Variants in EDIL3 observed in about 807,000 individuals in gnomAD.
EDIL3 encodes the protein EGF-like repeat and discoidin I-like domain-containing protein 3.
Under a neutral mutation model 67.4 loss-of-function variants are expected in EDIL3, and 37 were observed. The ratio of observed to expected loss-of-function variants is 0.55; its 90% CI spans 0.42 to 0.72. The LOEUF (loss-of-function observed/expected upper bound fraction) is 0.72. EDIL3 is among the 30% of genes least tolerant of loss of function. EDIL3 has a pLI of 0.00. For synonymous variants in EDIL3, 195 were observed against 196.3 expected (o/e 0.99, Z 0.05); for missense variants, 527 against 586.3 (o/e 0.90, Z 1.04).
intron 3 of EDIL3, among the ~76,000 whole-genome samples, chr5:84,195,797 A>G (rs1195407742): frequency 6.6e-6 from 1 of 151,982 alleles, no homozygotes; most frequent in African/African-American, 2.4e-5. Flanking sequence ...ACTTGATGTA[A>G]TATTTTTCTA....
chr5:84,361,494 T>C (rs1241945112), intron 1 of EDIL3, among the ~76,000 whole-genome samples: 1 of 152,104 alleles, frequency 6.6e-6, no homozygotes, highest in Non-Finnish European at 1.5e-5. Context: ...TCATAGGTAC[T>C]CTAATTTTTT....
chr5:84,011,861 T>C (rs1245493806), intron 9 of EDIL3, among the ~76,000 whole-genome samples: 1 of 152,174 alleles, frequency 6.6e-6, no homozygotes, highest in Non-Finnish European at 1.5e-5. Context: ...AGCAATCCCA[T>C]TTACATACTC....
chr5:83,956,874 A>C (rs1382810417), intron 10 of EDIL3, among the ~76,000 whole-genome samples: 1 of 151,764 alleles, frequency 6.6e-6, no homozygotes, highest in Non-Finnish European at 1.5e-5. Context: ...ACACAAGTTA[A>C]AAATATGCAA....
At chr5:84,106,544 C>T (rs1479162421) in intron 6 of EDIL3, 105 bp downstream of exon 6, 10 of 1,353,196 alleles carry the variant, frequency 7.4e-6, no homozygotes, top group African/African-American at 1.5e-5. Context: ...TTCCTCTGAC[C>T]ATAAGGAAGA....
chr5:84,132,225 G>A (rs1273021106), intron 5 of EDIL3, among the ~76,000 whole-genome samples: 1 of 140,326 alleles, frequency 7.1e-6, no homozygotes, highest in African/African-American at 2.7e-5. Context: ...GAGACGGAGA[G>A]AGACTCCGTC....
chr5:84,235,381 T>C (rs1744659094), intron 2 of EDIL3, among the ~76,000 whole-genome samples: 1 of 152,302 alleles, frequency 6.6e-6, no homozygotes, highest in Admixed American at 6.5e-5. Flanking sequence ...TCAAAATGTT[T>C]CCATTCTATC....
chr5:84,325,142 GA>G (rs1034534988), intron 1 of EDIL3, among the ~76,000 whole-genome samples: 1 of 151,788 alleles, frequency 6.6e-6, no homozygotes, highest in African/African-American at 2.4e-5. Context: ...TGAACTACAT[GA>G]TTTTTTTTAA....
intron 3 of EDIL3, among the ~76,000 whole-genome samples, chr5:84,198,854 C>G (rs1743773958): frequency 6.6e-6 from 1 of 152,054 alleles, no homozygotes; most frequent in Admixed American, 6.6e-5. Context: ...CAAAACTTTT[C>G]TGGTTTTATT....
chr5:84,310,710 A>T (rs1329320271), intron 1 of EDIL3, among the ~76,000 whole-genome samples: 1 of 152,182 alleles, frequency 6.6e-6, no homozygotes, highest in African/African-American at 2.4e-5. Flanking sequence ...TTTAAAATAG[A>T]TATACACACC....
At chr5:84,208,446 G>A (rs533293944) in intron 3 of EDIL3, among the ~76,000 whole-genome samples, 32 of 151,818 alleles carry the variant, frequency 2.1e-4, no homozygotes, top group Middle Eastern at 3.4e-3. Flanking sequence ...TTGGGAGGCC[G>A]AGGCGGGTGG....
intron 3 of EDIL3, among the ~76,000 whole-genome samples, chr5:84,198,749 AC>A (rs1313700700): frequency 2.8e-5 from 2 of 71,078 alleles, no homozygotes; most frequent in Non-Finnish European, 5.6e-5. Context: ...ATGGGGTCTC[AC>A]ATGTCATAAA....
intron 1 of EDIL3, among the ~76,000 whole-genome samples, chr5:84,350,157 T>C (rs1266785941): frequency 6.6e-6 from 1 of 152,128 alleles, no homozygotes; most frequent in Admixed American, 6.6e-5. Context: ...TATTATGCTT[T>C]ACATTTAGTT....
At chr5:84,139,678 G>A (rs76856328) in intron 4 of EDIL3, among the ~76,000 whole-genome samples, 96 of 152,210 alleles carry the variant, frequency 6.3e-4, no homozygotes, top group African/African-American at 2.0e-3. Flanking sequence ...AAACACTGCC[G>A]TATTTTGTAA....
chr5:84,145,600 G>T (rs1748278289), intron 4 of EDIL3, among the ~76,000 whole-genome samples: 1 of 152,078 alleles, frequency 6.6e-6, no homozygotes, highest in Non-Finnish European at 1.5e-5. Flanking sequence ...AATTCAAAAA[G>T]TGAGAAGGGA....
chr5:84,199,081 CA>C (rs775351358), intron 3 of EDIL3, among the ~76,000 whole-genome samples: 1 of 151,964 alleles, frequency 6.6e-6, no homozygotes, highest in Non-Finnish European at 1.5e-5. Context: ...ATTTTGAAAA[CA>C]GTATGAGCCC....
At chr5:84,078,780 A>G (rs1050300470) in intron 6 of EDIL3, 1 of 152,200 alleles carries the variant, frequency 6.6e-6, no homozygotes, top group African/African-American at 2.4e-5. Flanking sequence ...CATATTATGC[A>G]ATAGCACAGT....
intron 9 of EDIL3, among the ~76,000 whole-genome samples, chr5:84,053,678 A>G (rs537691394): frequency 7.2e-5 from 11 of 152,294 alleles, no homozygotes; most frequent in Middle Eastern, 3.4e-3. Flanking sequence ...TACTATAAAC[A>G]CCTCTATGCA....
intron 4 of EDIL3, among the ~76,000 whole-genome samples, chr5:84,167,671 T>C (rs992958334): frequency 3.3e-5 from 5 of 152,148 alleles, no homozygotes; most frequent in African/African-American, 1.2e-4. Context: ...ATATACTAAA[T>C]TGACAGGGCA....
intron 1 of EDIL3, among the ~76,000 whole-genome samples, chr5:84,350,219 A>C (rs1747326922): frequency 6.6e-6 from 1 of 152,092 alleles, no homozygotes; most frequent in Non-Finnish European, 1.5e-5. Context: ...ATTCCACCAG[A>C]ATATCTGAAC....
Sources: allele counts gnomAD v4.1 joint callset (sites outside exome capture counted in the v4.1 genomes callset), GRCh38; gene constraint gnomAD v4.1.1; transcripts MANE v1.5; gene names NCBI Gene and HGNC (gene_info 2026-07-23, HGNC 2026-07-21).